Variants in SLCO4A1 observed in about 807,000 individuals in gnomAD.
SLCO4A1 encodes colon organic anion transporter.
A neutral mutation model predicts 64.6 loss-of-function variants in SLCO4A1; 51 were observed. The observed-to-expected ratio is 0.79, with a 90% CI of 0.63 to 1.00. SLCO4A1 has a LOEUF of 1.00. Among genes scored for constraint, SLCO4A1 ranks in the 50% least tolerant of loss-of-function variants. SLCO4A1 has a pLI of 0.00. For missense variants in SLCO4A1, 919 were observed against 980.5 expected (o/e 0.94, Z 0.84); for synonymous variants, 471 against 444.9 (o/e 1.06, Z -0.74).
At chr20:62,648,288 C>A (rs776730622) in intron 1 of SLCO4A1, among the ~76,000 whole-genome samples, 1 of 152,242 alleles carries the variant, frequency 6.6e-6, no homozygotes, top group African/African-American at 2.4e-5. Flanking sequence ...GCGTTTCTCT[C>A]GGGCTGAGAG....
rs1985004322 is a variant in SLCO4A1 at position 62,661,883 on chromosome 20, C to T, written c.1121+708C>T. 6.6e-6 allele frequency among the ~76,000 whole-genome samples: 1 copy of T among 152,042 alleles called. No homozygotes were observed. Among genetic ancestry groups the T allele is most frequent in the Admixed American group, 6.5e-5 (1 of 15,286 alleles). On this transcript the variant is annotated intron_variant, in intron 5 of 11. Coordinates refer to ENST00000217159, the MANE Select transcript of SLCO4A1 (RefSeq NM_016354.4). The surrounding 1 kb of genome is among the most constrained non-coding windows in gnomAD (Gnocchi z 5.2). ...TAGAGGGACAACAGAGGGGCCCGGG[C>T]CCTCCCGGCCTCTCCTGGGGATCAT...
At chr20:62,687,173 C>CACCCCCAAACA (rs1988092704), downstream of SLCO4A1, among the ~76,000 whole-genome samples, 4 of 147,722 alleles carry the variant, frequency 2.7e-5, no homozygotes, top group Admixed American at 6.6e-5. Flanking sequence ...ATGGAAAGGG[C>CACCCCCAAACA]GCCCCCAAAC....
chr20:62,660,664 A>G, intron 4 of SLCO4A1, 131 bp downstream of exon 4: 4 of 1,146,854 alleles, frequency 3.5e-6, no homozygotes, highest in Non-Finnish European at 5.1e-6. Flanking sequence ...CCTCATTCTC[A>G]GTGTTCTTCC....
chr20:62,666,534 C>A lies in SLCO4A1; in HGVS notation c.1431C>A (p.Pro477=), dbSNP rs75880235. The stretch of plus-strand genomic sequence containing the variant: ...TCCTCGTCTTCTCACTGCACTGCCC[C>A]AGTGTGCCCATGGCGGGCGTCACAG... ...LGILVFSLHC[P]SVPMAGVTAS... Residue 477 remains proline, a synonymous_variant, in exon 7 of 12, where the codon CCC becomes CCA. Coordinates refer to ENST00000217159, the MANE Select transcript of SLCO4A1 (RefSeq NM_016354.4). 21 of 1,613,286 alleles carry A rather than the reference C, an allele frequency of 1.3e-5. 1 individual carries two copies. In the South Asian group the frequency reaches 2.3e-4, roughly 18 times the overall value.
chr20:62,687,621 C>T (rs1362316548), downstream of SLCO4A1, among the ~76,000 whole-genome samples: 3 of 152,234 alleles, frequency 2.0e-5, no homozygotes, highest in Admixed American at 2.0e-4. Context: ...TGCCATCCCC[C>T]GCTCTGGGTG....
chr20:62,647,572 AG>A (rs1981580507), intron 1 of SLCO4A1, among the ~76,000 whole-genome samples: 1 of 152,250 alleles, frequency 6.6e-6, no homozygotes, highest in Non-Finnish European at 1.5e-5. Flanking sequence ...GGGCCACAGT[AG>A]GTCAGCCAGG....
At chr20:62,665,672 C>T (rs1266285923) in intron 6 of SLCO4A1, among the ~76,000 whole-genome samples, 1 of 152,120 alleles carries the variant, frequency 6.6e-6, no homozygotes, top group African/African-American at 2.4e-5. Context: ...GGGCTCCCCT[C>T]CCTCCCCCAC....
rs576219756 is a variant in SLCO4A1, at chr20:62,662,735, C to T, written c.1121+1560C>T. ...GGAGGGACTCCCCCAGGGTGCCCAC[C>T]CCAGCCCCATCCCCCCATATGCCAG... is the stretch of plus-strand genomic sequence containing the variant. On this transcript the variant is annotated intron_variant, in intron 5 of 11. Coordinates refer to ENST00000217159, the MANE Select transcript of SLCO4A1 (RefSeq NM_016354.4). Among the ~76,000 whole-genome samples, 3 of 149,106 alleles carry T rather than the reference C, an allele frequency of 2.0e-5. No individual in the cohort carries two copies. In the South Asian group the frequency reaches 6.4e-4, roughly 32 times the overall value.
At chr20:62,652,676 G>A (rs138169436) in intron 1 of SLCO4A1, among the ~76,000 whole-genome samples, 7 of 152,184 alleles carry the variant, frequency 4.6e-5, no homozygotes, top group African/African-American at 9.7e-5. Flanking sequence ...CCTTTCTGAC[G>A]CAGCAGGTCC....
At chr20:62,689,278 C>CCTGG (rs11472163), downstream of SLCO4A1, among the ~76,000 whole-genome samples, 2 of 98,646 alleles carry the variant, frequency 2.0e-5, no homozygotes, top group Non-Finnish European at 4.3e-5. Flanking sequence ...CAGGCCTGTC[C>CCTGG]CCGGCTGTGC....
chr20:62,648,983 A>G (rs1484660934), intron 1 of SLCO4A1: 2 of 152,272 alleles, frequency 1.3e-5, no homozygotes, highest in African/African-American at 4.8e-5. Flanking sequence ...GGCTTGTATT[A>G]GTCTGAGTTA....
chr20:62,686,124 A>AC (rs1988052401), downstream of SLCO4A1, among the ~76,000 whole-genome samples: 1 of 152,124 alleles, frequency 6.6e-6, no homozygotes, highest in East Asian at 1.9e-4. Flanking sequence ...CAATCTCTGT[A>AC]CCTGGGGAGT....
chr20:62,685,035 G>A lies in SLCO4A1; in HGVS notation n.212-406G>A, dbSNP rs60294026. Among the ~76,000 whole-genome samples the A allele has an allele frequency of 0.23, 34,385 of 151,964 alleles. 4,109 individuals carry two copies. Among genetic ancestry groups the A allele is most frequent in the African/African-American group, 0.3 (12,246 of 41,414 alleles). On this transcript the variant is annotated intron_variant and non_coding_transcript_variant, in intron 2 of 2. Transcript: ENST00000466818. The surrounding 1 kb of genome is among the most constrained non-coding windows in gnomAD (Gnocchi z 4.6). ...ACCTCAGAGAGACCAGTAATGGGGC[G>A]GATTAGCAGGGGCCAAGGGTCTGGG... is the stretch of plus-strand genomic sequence containing the variant.
intron 2 of SLCO4A1, among the ~76,000 whole-genome samples, chr20:62,679,577 C>T (rs1481227226): frequency 6.6e-6 from 1 of 152,014 alleles, no homozygotes; most frequent in African/African-American, 2.4e-5. Flanking sequence ...TGCCCAGGCT[C>T]GTTTCGAACT....
downstream of SLCO4A1, among the ~76,000 whole-genome samples, chr20:62,673,936 C>T (rs559268264): frequency 6.6e-5 from 10 of 152,344 alleles, no homozygotes; most frequent in South Asian, 4.1e-4. Flanking sequence ...CACTGGGCAA[C>T]AGCACAAAAC....
rs1287693527 is a variant in SLCO4A1, at chr20:62,645,731, G to T, written c.-97+3178G>T. 6.6e-6 allele frequency among the ~76,000 whole-genome samples: 1 copy of T among 151,962 alleles called. No homozygotes were observed. The highest frequency in any genetic ancestry group is 1.5e-5 in the Non-Finnish European group (1 of 67,974). Reference sequence around the variant, plus strand: ...CGTAGGGTGAGACTTGGCACCAGTGGCTGGGGTCGCTTTTGGGTGCCAGAG... The same window carrying T: ...CGTAGGGTGAGACTTGGCACCAGTGTCTGGGGTCGCTTTTGGGTGCCAGAG... On this transcript the variant is annotated intron_variant, in intron 1 of 11. Transcript: ENST00000217159. This position sits in a 1 kb window ranked among gnomAD's most constrained non-coding sequence, Gnocchi z 4.2.
rs781360831 is a variant in SLCO4A1 at position 62,664,953 on chromosome 20, A to C, written c.1141A>C (p.Lys381Gln). 1.9e-6 allele frequency: 3 copies of C among 1,610,774 alleles called. No individual in the cohort carries two copies. The highest frequency in any genetic ancestry group is 3.4e-5 in the Admixed American group (2 of 59,562). The change falls in exon 6 of 12, where the codon AAG becomes CAG. Residue 381 changes from lysine (K) to glutamine (Q), a missense_variant. Transcript: ENST00000217159. ...GCCCAGCTCCATCTGGCTCCTGCTG[A>C]AGAACCCCACGTTCATCCTGCTCTG... ...DLPLSIWLLLKNPTFILLCLA... is the reference protein window; with the variant it reads ...DLPLSIWLLLQNPTFILLCLA...
At chr20:62,669,140 T>A (rs944213894) in intron 11 of SLCO4A1, 62 bp downstream of exon 11, 1 of 1,519,552 alleles carries the variant, frequency 6.6e-7, no homozygotes, top group Non-Finnish European at 9.0e-7. Flanking sequence ...GCTCCGAACA[T>A]GCCGCGATCT....
intron 1 of SLCO4A1, chr20:62,650,799 G>A (rs879620236): frequency 1.3e-5 from 2 of 152,190 alleles, no homozygotes; most frequent in Admixed American, 1.3e-4. Flanking sequence ...CCCACGTTGG[G>A]CTGGTTTTCG....
Sources: gnomAD v4.1 joint callset for allele counts (sites outside exome capture counted in the v4.1 genomes callset) on GRCh38, gnomAD v4.1.1 for gene constraint, Gnocchi (gnomAD v3.1) non-coding constraint, MANE v1.5 for transcripts, NCBI Gene and HGNC (gene_info 2026-07-23, HGNC 2026-07-21) for gene names.